The following NIPAL2 variants were observed in gnomAD, a reference collection of about 807,000 sequenced individuals.
NIPAL2 encodes NIPA like domain containing 2, also known as NIPA-like protein 2.
NIPAL2 carries 43 observed loss-of-function variants against 48.9 expected under a neutral mutation model. The observed-to-expected ratio is 0.88, with a 90% confidence interval of 0.69 to 1.13. The LOEUF is 1.13. Ranked by LOEUF, NIPAL2 falls within the 50% of genes most tolerant of loss-of-function variation. The pLI, the probability that NIPAL2 is intolerant of heterozygous loss-of-function variation, is 0.00. For synonymous variants in NIPAL2, 167 were observed against 174.6 expected (o/e 0.96, Z 0.34); for missense variants, 446 against 461.4 (o/e 0.97, Z 0.31).
At position 98,191,358 on chromosome 8, in the gene NIPAL2, C is replaced by G. The variant is rs1478555363; in HGVS notation, c.*1620G>C. On this transcript the variant is annotated 3_prime_UTR_variant, in exon 11 of 11. Transcript: ENST00000430223. Reference sequence around the variant, plus strand: ...TAAAATACACCATAAATTATGACTGCTTTATCTGAATGCATGGGACACTTG... The same window carrying G: ...TAAAATACACCATAAATTATGACTGGTTTATCTGAATGCATGGGACACTTG... The G allele has an allele frequency of 6.6e-6, 1 of 152,182 alleles. No individual in the cohort carries two copies. The highest frequency in any genetic ancestry group is 2.4e-5 in the African/African-American group (1 of 41,442). The allele number at this position is 152,182 out of a possible 1,614,324, so 9.4% of individuals were successfully genotyped here.
intron 2 of NIPAL2, 69 bp downstream of exon 2, chr8:98,253,950 A>G (rs545901420): frequency 1.8e-5 from 18 of 987,632 alleles, no homozygotes; most frequent in African/African-American, 3.4e-5. Context: ...AAAGTGCCCA[A>G]TGCCCATGAG....
rs577300690 is a variant in NIPAL2, at chr8:98,264,304, A to C, written c.136-10217T>G. 6.4e-5 allele frequency among the ~76,000 whole-genome samples: 8 copies of C among 125,948 alleles called. No individual in the cohort carries two copies. In the East Asian group the frequency reaches 7.4e-4, roughly 12 times the overall value. 82.6% of individuals were successfully genotyped at this position (125,948 alleles called of 152,430 possible). On this transcript the variant is annotated intron_variant, in intron 1 of 10. Coordinates refer to ENST00000430223, the MANE Select transcript of NIPAL2 (RefSeq NM_001321635.2). ...GGGCAATTAGGCAGGAGAAGGAAATAAAGGGTATTCAATTAGGAAAAGAGG... is the reference window on the plus strand; with the variant it reads ...GGGCAATTAGGCAGGAGAAGGAAATCAAGGGTATTCAATTAGGAAAAGAGG...
chr8:98,264,909 C>G (rs1291891748), intron 1 of NIPAL2, among the ~76,000 whole-genome samples: 1 of 151,214 alleles, frequency 6.6e-6, no homozygotes, highest in Middle Eastern at 3.2e-3. Flanking sequence ...ACCAAAACAG[C>G]ATGGTACTGG....
intron 1 of NIPAL2, among the ~76,000 whole-genome samples, chr8:98,272,121 G>A (rs528773389): frequency 5.9e-5 from 9 of 152,012 alleles, no homozygotes; most frequent in South Asian, 2.1e-4. Context: ...ATTTGTATTC[G>A]CTTCCTATAG....
At chr8:98,198,582 CT>C (rs1810662310) in intron 8 of NIPAL2, among the ~76,000 whole-genome samples, 1 of 152,200 alleles carries the variant, frequency 6.6e-6, no homozygotes, top group Admixed American at 6.5e-5. Context: ...GTGTAGCCAC[CT>C]TCATCAATGA....
chr8:98,260,389 G>T (rs541689202), intron 1 of NIPAL2, among the ~76,000 whole-genome samples: 1 of 152,362 alleles, frequency 6.6e-6, no homozygotes, highest in Admixed American at 6.5e-5. Context: ...ACTAGGGAGT[G>T]CCAGACAGTG....
chr8:98,226,563 T>G (rs1354974777), intron 4 of NIPAL2, among the ~76,000 whole-genome samples: 1 of 152,190 alleles, frequency 6.6e-6, no homozygotes, highest in Non-Finnish European at 1.5e-5. Context: ...TTCTCTTCTC[T>G]TACTTTCTCC....
rs75728794 is a variant in NIPAL2, at chr8:98,216,344, G to A, written c.559-3843C>T. Among the ~76,000 whole-genome samples the A allele has an allele frequency of 4.4e-3, 664 of 152,326 alleles. 2 individuals carry two copies. Among genetic ancestry groups the A allele is most frequent in the African/African-American group, 0.015 (631 of 41,570 alleles). ...TCTATCAGATGCAGAGGATAACAGT[G>A]GCCCATGTATACGGCCAGTATGCAG... On this transcript the variant is annotated intron_variant, in intron 5 of 10. Transcript: ENST00000430223.
chr8:98,263,390 A>G (rs1311431780), intron 1 of NIPAL2, among the ~76,000 whole-genome samples: 2 of 150,784 alleles, frequency 1.3e-5, no homozygotes, highest in African/African-American at 4.9e-5. Flanking sequence ...AGCAAGACTA[A>G]TAAAGAAAAA....
At chr8:98,262,198 G>C (rs1285143164) in intron 1 of NIPAL2, among the ~76,000 whole-genome samples, 1 of 151,348 alleles carries the variant, frequency 6.6e-6, no homozygotes, top group East Asian at 1.9e-4. Flanking sequence ...AGACCATCAA[G>C]ACTAGGAAGA....
At chr8:98,229,766 C>T (rs963010259) in intron 4 of NIPAL2, among the ~76,000 whole-genome samples, 1 of 152,116 alleles carries the variant, frequency 6.6e-6, no homozygotes, top group Non-Finnish European at 1.5e-5. Context: ...TAATCAGCAT[C>T]ATGCTAAAAT....
At chr8:98,247,855 A>G (rs910153368) in intron 3 of NIPAL2, among the ~76,000 whole-genome samples, 1 of 152,222 alleles carries the variant, frequency 6.6e-6, no homozygotes, top group African/African-American at 2.4e-5. Flanking sequence ...TCCACAGAAT[A>G]TCTAACCTAT....
At chr8:98,210,942 G>A (rs1811280306) in intron 6 of NIPAL2, among the ~76,000 whole-genome samples, 2 of 152,148 alleles carry the variant, frequency 1.3e-5, no homozygotes, top group South Asian at 4.1e-4. Context: ...ACCTGCAAGG[G>A]CCAATCAGAA....
chr8:98,282,955 A>G (rs1045868412), intron 1 of NIPAL2, among the ~76,000 whole-genome samples: 1 of 152,212 alleles, frequency 6.6e-6, no homozygotes, highest in African/African-American at 2.4e-5. Context: ...TTGTGTCCCT[A>G]TCCTGAGAAA....
chr8:98,227,232 T>TG (rs1162743851), intron 4 of NIPAL2, among the ~76,000 whole-genome samples: 1 of 152,120 alleles, frequency 6.6e-6, no homozygotes, highest in Non-Finnish European at 1.5e-5. Flanking sequence ...AGAGCCCTCT[T>TG]GGTCCTCTAC....
intron 8 of NIPAL2, among the ~76,000 whole-genome samples, chr8:98,200,014 C>T (rs972774542): frequency 5.3e-5 from 8 of 151,312 alleles, no homozygotes; most frequent in South Asian, 2.1e-4. Flanking sequence ...AGAGTAGTGG[C>T]GTGATTATAG....
In NIPAL2 at chr8:98,195,923, C is replaced by A. The variant is rs1317188703; in HGVS notation, c.944+19G>T. The A allele has an allele frequency of 4.6e-6, 7 of 1,527,878 alleles. No individual in the cohort carries two copies. The highest frequency in any genetic ancestry group is 5.4e-6 in the Non-Finnish European group (6 of 1,110,688). The allele number at this position is 1,527,878 out of a possible 1,614,324, so 94.6% of individuals were successfully genotyped here. A position where few individuals can be genotyped will look rare whatever the true frequency, so the allele number is the denominator to read the frequency against. On this transcript the variant is annotated intron_variant, in intron 9 of 10. Transcript: ENST00000430223. The stretch of plus-strand genomic sequence containing the variant: ...AGTAATAGAATTTCACATGCTTTAC[C>A]TCTGAGACATTTACTCACCCAAAAA...
At chr8:98,267,341 T>G (rs1814834572) in intron 1 of NIPAL2, among the ~76,000 whole-genome samples, 2 of 151,662 alleles carry the variant, frequency 1.3e-5, no homozygotes, top group African/African-American at 4.8e-5. Flanking sequence ...TTTTTTTTTT[T>G]GAAACAGGGT....
intron 6 of NIPAL2, among the ~76,000 whole-genome samples, chr8:98,210,422 T>A (rs1328277357): frequency 3.3e-5 from 5 of 152,236 alleles, no homozygotes; most frequent in Non-Finnish European, 1.5e-5. Flanking sequence ...CTATTTTTGT[T>A]ATTATTTTTC....
Sources: allele counts gnomAD v4.1 joint callset (sites outside exome capture counted in the v4.1 genomes callset), GRCh38; gene constraint gnomAD v4.1.1; transcripts MANE v1.5; gene names NCBI Gene and HGNC (gene_info 2026-07-23, HGNC 2026-07-21).